The following TJP3 variants were observed in gnomAD, a reference collection of about 807,000 sequenced individuals.
TJP3 encodes the protein tight junction protein 3.
TJP3 carries 85 observed loss-of-function variants against 104.2 expected under a neutral mutation model. The ratio of observed to expected loss-of-function variants is 0.82; its 90% CI spans 0.68 to 0.98. TJP3 has a LOEUF of 0.98. Ranked by LOEUF, TJP3 falls within the 50% of genes least tolerant of loss-of-function variation. The pLI, the probability that TJP3 is intolerant of heterozygous loss-of-function variation, is 0.00. For missense variants in TJP3, 1,367 were observed against 1,322.8 expected (o/e 1.03, Z -0.52); for synonymous variants, 550 against 550.6 (o/e 1.00, Z 0.02).
At chr19:3,722,856 CG>C (rs57421122) in intron 1 of TJP3, among the ~76,000 whole-genome samples, 396 of 11,228 alleles carry the variant, frequency 0.035, 49 homozygotes, top group Non-Finnish European at 0.073. Context: ...GATGGGGTGG[CG>C]GGGGGGGGGG....
intron 1 of TJP3, among the ~76,000 whole-genome samples, chr19:3,710,191 C>T (rs1490600958): frequency 3.3e-5 from 5 of 149,670 alleles, no homozygotes; most frequent in Non-Finnish European, 5.9e-5. Context: ...ATGGAGTCAC[C>T]AAGGCACAGG....
At chr19:3,743,032 G>A (rs1454327503) in intron 14 of TJP3, among the ~76,000 whole-genome samples, 2 of 151,788 alleles carry the variant, frequency 1.3e-5, no homozygotes, top group Non-Finnish European at 2.9e-5. Context: ...TTGGGAGGCC[G>A]AGGCGGGCGG....
intron 5 of TJP3, among the ~76,000 whole-genome samples, chr19:3,731,480 A>G (rs1302468220): frequency 6.6e-6 from 1 of 152,112 alleles, no homozygotes; most frequent in African/African-American, 2.4e-5. Flanking sequence ...TAGAAATACA[A>G]AAATTAGCCA....
intron 1 of TJP3, among the ~76,000 whole-genome samples, chr19:3,714,135 C>G (rs2036456695): frequency 6.6e-6 from 1 of 152,092 alleles, no homozygotes; most frequent in South Asian, 2.1e-4. Context: ...ACTGCAACCT[C>G]TGCCTCCCGG....
intron 19 of TJP3, 46 bp downstream of exon 19, chr19:3,748,127 G>T (rs2036931680): frequency 1.3e-6 from 2 of 1,502,420 alleles, no homozygotes; most frequent in South Asian, 1.3e-5. Flanking sequence ...CTCCGGAGGG[G>T]ATGCCAGCAC....
intron 1 of TJP3, among the ~76,000 whole-genome samples, chr19:3,723,332 G>A (rs1196636699): frequency 1.3e-5 from 2 of 152,166 alleles, no homozygotes; most frequent in East Asian, 3.8e-4. Flanking sequence ...AGGGAGTCCA[G>A]TACCAGCACT....
chr19:3,740,689 G>A lies in TJP3; in HGVS notation c.1769G>A (p.Arg590Gln), dbSNP rs771343292. 30 of 1,606,614 alleles carry A rather than the reference G, an allele frequency of 1.9e-5. No individual in the cohort carries two copies. In the South Asian group the frequency reaches 2.1e-4, roughly 11 times the overall value. The change falls in exon 14 of 21, where the codon CGG (arginine) becomes CAG (glutamine). Residue 590 changes from arginine to glutamine, a missense_variant. Coordinates refer to ENST00000541714, the MANE Select transcript of TJP3 (RefSeq NM_001267560.2). The part of the protein sequence containing the change: ...LRRGAKKTTQ[R>Q]SREDLSALTR... ...CGAGGAGCCAAGAAGACCACTCAGC[G>A]GAGCCGTGAGGACCTCTCAGCTCTG...
intron 1 of TJP3, among the ~76,000 whole-genome samples, chr19:3,717,851 G>C (rs1356934650): frequency 6.7e-6 from 1 of 148,794 alleles, no homozygotes; most frequent in Non-Finnish European, 1.5e-5. Context: ...CTGGGCTCAA[G>C]CAATCCTCCC....
At chr19:3,717,831 C>A (rs1311331302) in intron 1 of TJP3, among the ~76,000 whole-genome samples, 1 of 151,626 alleles carries the variant, frequency 6.6e-6, no homozygotes, top group Non-Finnish European at 1.5e-5. Flanking sequence ...CTTACTGCAG[C>A]CTCCACCGCC....
intron 12 of TJP3, 109 bp from the exon 13 acceptor site, chr19:3,738,788 C>G (rs1245458557): frequency 3.8e-6 from 5 of 1,315,962 alleles, no homozygotes; most frequent in Non-Finnish European, 5.4e-6. Context: ...CTCTCCCTGG[C>G]CCCTACAGGG....
chr19:3,740,492 G>A (rs1208661374), intron 13 of TJP3, 60 bp from the exon 14 acceptor site: 31 of 1,174,368 alleles, frequency 2.6e-5, no homozygotes, highest in South Asian at 1.9e-4. Flanking sequence ...GGACGAGGAC[G>A]TCTTTGGGGC....
Position 3,736,262 on chromosome 19 carries a change from G to A in TJP3, c.1225G>A (p.Val409Met). The A allele has an allele frequency of 6.4e-7, 1 of 1,553,166 alleles. No individual in the cohort carries two copies. Among genetic ancestry groups the A allele is most frequent in the Admixed American group, 2.0e-5 (1 of 50,090 alleles). Residue 409 changes from valine to methionine, a missense_variant, in exon 11 of 21, where the codon GTG becomes ATG. Transcript: ENST00000541714. ...GNDVGIFVSGVQAGSPADGQG... is the reference protein window; with the variant it reads ...GNDVGIFVSGMQAGSPADGQG... ...TGACGTGGGCATCTTCGTGTCCGGG[G>A]TGCAGGCGGGCAGCCCGGCCGACGG...
chr19:3,743,003 C>T lies in TJP3; in HGVS notation c.1844-936C>T, dbSNP rs145979816. On this transcript the variant is annotated intron_variant, in intron 14 of 20. Transcript: ENST00000541714. ...TAAATAGGCCACGTGCGGTGGCTCA[C>T]GCCTGTAATCCCAGCACTTTGGGAG... is the stretch of plus-strand genomic sequence containing the variant. Among the ~76,000 whole-genome samples the T allele has an allele frequency of 4.3e-3, 650 of 151,428 alleles. 2 individuals carry two copies. The highest frequency in any genetic ancestry group is 4.9e-3 in the African/African-American group (201 of 41,280).
In TJP3 at chr19:3,719,240, G is replaced by C. The variant is rs574328442; in HGVS notation, c.-9-9184G>C. ...TCTAAAATGATTTTTTGCGCCACCT[G>C]CTGGTGGCGGAGTGTCACACAGGGA... On this transcript the variant is annotated intron_variant, in intron 1 of 20. Transcript: ENST00000541714. 1.8e-3 allele frequency among the ~76,000 whole-genome samples: 193 copies of C among 108,192 alleles called. 1 individual carries two copies. Among genetic ancestry groups the C allele is most frequent in the Non-Finnish European group, 3.2e-3 (146 of 46,206 alleles). The allele number at this position is 108,192 out of a possible 152,430, so 71.0% of individuals were successfully genotyped here. A position where few individuals can be genotyped will look rare whatever the true frequency, so the allele number is the denominator to read the frequency against.
At chr19:3,744,728 A>C (rs149315796) in intron 15 of TJP3, among the ~76,000 whole-genome samples, 1 of 151,996 alleles carries the variant, frequency 6.6e-6, no homozygotes, top group Non-Finnish European at 1.5e-5. Context: ...GGAGTTCGAG[A>C]CCAGCCTGGC....
chr19:3,746,525 AG>A lies in TJP3; in HGVS notation c.2052del (p.Glu684AspfsTer62), dbSNP rs751157477. The A allele has an allele frequency of 6.2e-7, 1 of 1,613,938 alleles. No individual in the cohort carries two copies. Among genetic ancestry groups the A allele is most frequent in the Non-Finnish European group, 8.5e-7 (1 of 1,179,998 alleles). On this transcript the variant is annotated frameshift_variant, in exon 17 of 21. Transcript: ENST00000541714. LOFTEE classifies it high-confidence loss of function. This position sits in a 1 kb window ranked among gnomAD's most constrained non-coding sequence, Gnocchi z 4.1. ...CTGGATGTGACCCCCTCCGCCATCG[AG>A]CGCCTCAACTATGTGCAGTACTACC... ...ALLDVTPSAIERLNYVQYYPI... is the reference protein window; with the variant it reads ...ALLDVTPSAIXRLNYVQYYPI...
chr19:3,727,355 T>C (rs1301528146), intron 1 of TJP3, among the ~76,000 whole-genome samples: 2 of 151,220 alleles, frequency 1.3e-5, no homozygotes, highest in African/African-American at 4.9e-5. Flanking sequence ...TGGTGGCACA[T>C]GCCTGTAGTC....
chr19:3,750,578 C>T lies in TJP3; in HGVS notation c.2658-4C>T, dbSNP rs760873913. On this transcript the variant is annotated splice_polypyrimidine_tract_variant and splice_region_variant and intron_variant, in intron 20 of 20. Coordinates refer to ENST00000541714, the MANE Select transcript of TJP3 (RefSeq NM_001267560.2). ...CAGCATCTATTCTATTTCCTGATCCCCAGAACCTATGAACGGGAAGCCCTG... is the reference window on the plus strand; with the variant it reads ...CAGCATCTATTCTATTTCCTGATCCTCAGAACCTATGAACGGGAAGCCCTG... The T allele has an allele frequency of 8.1e-6, 13 of 1,598,392 alleles. No homozygotes were observed. Among genetic ancestry groups the T allele is most frequent in the Non-Finnish European group, 1.0e-5 (12 of 1,171,450 alleles).
chr19:3,735,671 G>C (rs2036729237), intron 9 of TJP3, 32 bp downstream of exon 9: 1 of 1,613,286 alleles, frequency 6.2e-7, no homozygotes, highest in South Asian at 1.1e-5. Flanking sequence ...CCCTGTCCCT[G>C]ACATTTCTGA....
Sources: allele counts gnomAD v4.1 joint callset (sites outside exome capture counted in the v4.1 genomes callset), GRCh38; gene constraint gnomAD v4.1.1; non-coding constraint Gnocchi (gnomAD v3.1); transcripts MANE v1.5; gene names NCBI Gene and HGNC (gene_info 2026-07-23, HGNC 2026-07-21).